Variants in AATK observed in about 807,000 individuals in gnomAD.
AATK encodes serine/threonine-protein kinase LMTK1.
Under a neutral mutation model 114.3 loss-of-function variants are expected in AATK, and 91 were observed. The observed-to-expected ratio is 0.80, with a 90% CI of 0.67 to 0.95. AATK has a LOEUF of 0.95. Among genes scored for constraint, AATK ranks in the 40% least tolerant of loss-of-function variants. The pLI, the probability that AATK is intolerant of heterozygous loss-of-function variation, is 0.00. For missense variants in AATK, 2,176 were observed against 1,965.2 expected (o/e 1.11, Z -2.03); for synonymous variants, 1,075 against 916.5 (o/e 1.17, Z -3.12).
intron 1 of AATK, among the ~76,000 whole-genome samples, chr17:81,145,957 G>A (rs1186690026): frequency 2.6e-5 from 4 of 152,022 alleles, no homozygotes; most frequent in Admixed American, 2.6e-4. Flanking sequence ...GGAGGCCGAG[G>A]CAGGCGGATC....
chr17:81,131,753 C>T, intron 2 of AATK: 3 of 1,189,302 alleles, frequency 2.5e-6, no homozygotes, highest in Non-Finnish European at 3.3e-6. Context: ...TCCCATGGCG[C>T]AGCTTCGGGG....
At chr17:81,130,915 G>A (rs1486025498) in intron 3 of AATK, 146 bp downstream of exon 3, 23 of 1,021,812 alleles carry the variant, frequency 2.3e-5, no homozygotes, top group African/African-American at 3.3e-5. Context: ...GTCCAGGGCT[G>A]CACACTGCGT....
chr17:81,119,195 C>T (rs146430850), intron 13 of AATK, among the ~76,000 whole-genome samples, 185 bp downstream of exon 13: 10 of 128,846 alleles, frequency 7.8e-5, no homozygotes, highest in South Asian at 5.5e-4. Flanking sequence ...CAGGTGAGGG[C>T]CAGGCGAGGG....
At chr17:81,119,150 GT>G (rs1200699874) in intron 13 of AATK, among the ~76,000 whole-genome samples, 823 of 17,252 alleles carry the variant, frequency 0.048, 1 homozygote, top group Non-Finnish European at 0.083. Context: ...CCAGGTGAGG[GT>G]CAGGTGAGGG....
At chr17:81,128,193 T>C (rs1162804756) in intron 4 of AATK, among the ~76,000 whole-genome samples, 2 of 152,140 alleles carry the variant, frequency 1.3e-5, no homozygotes, top group East Asian at 3.9e-4. Flanking sequence ...GGGACCCAGG[T>C]GTCTCGTTTA....
chr17:81,147,779 A>C (rs550581045), intron 1 of AATK, among the ~76,000 whole-genome samples: 1 of 152,288 alleles, frequency 6.6e-6, no homozygotes, highest in South Asian at 2.1e-4. Flanking sequence ...GTTTTAAACA[A>C]ACGGGAAGAT....
rs775724959 is a variant in AATK, at chr17:81,121,231, G to C, written c.2705C>G (p.Ser902Cys). 3.1e-6 allele frequency: 5 copies of C among 1,606,736 alleles called. No individual in the cohort carries two copies. Among genetic ancestry groups the C allele is most frequent in the Non-Finnish European group, 4.2e-6 (5 of 1,177,234 alleles). The change falls in exon 11 of 14, where the codon TCC (serine) becomes TGC (cysteine). Residue 902 changes from serine to cysteine, a missense_variant. Transcript: ENST00000326724. ...SLQKQVGTPD[S>C]LDSLDIPSSA... ...GGACGGGATGTCCAGGGAGTCCAGG[G>C]AGTCGGGGGTCCCCACCTGCTTCTG...
At chr17:81,156,178 CTGTTACAATGTATGTTATCA>C (rs1567827804) in intron 1 of AATK, among the ~76,000 whole-genome samples, 2 of 7,740 alleles carry the variant, frequency 2.6e-4, no homozygotes, top group African/African-American at 7.0e-4. Context: ...ATGTATGTTA[CTGTTACAATGTATGTTATCA>C]TGTTACAATG....
rs1259601999 is a variant in AATK at position 81,122,677 on chromosome 17, C to T, written c.1259G>A (p.Gly420Asp). ...GGGCCCGGGCCCCACGCCGCCCCCG[C>T]CGGGCCGCAGAGAGCGCCAGCGCCG... ...FERRWRSLRP[G>D]GGGVGPGPGA... Residue 420 changes from glycine (G) to aspartate (D), a missense_variant, in exon 11 of 14, where the codon GGC (glycine) becomes GAC (aspartate). Around this residue, in one of 4 missense-constraint regions of AATK, gnomAD observed 1,701 missense variants for 1,394.7 expected, o/e 1.22. Transcript: ENST00000326724. 7 of 1,524,230 alleles carry T rather than the reference C, an allele frequency of 4.6e-6. No homozygotes were observed. Among genetic ancestry groups the T allele is most frequent in the Middle Eastern group, 1.7e-4 (1 of 5,842 alleles). The allele number at this position is 1,524,230 out of a possible 1,614,324, so 94.4% of individuals were successfully genotyped here. A position where few individuals can be genotyped will look rare whatever the true frequency, so the allele number is the denominator to read the frequency against.
At chr17:81,123,433 C>T (rs2060728028) in intron 9 of AATK, 90 bp from the exon 10 acceptor site, 2 of 1,191,166 alleles carry the variant, frequency 1.7e-6, no homozygotes, top group Non-Finnish European at 1.1e-6. Context: ...TGGGGCAGCT[C>T]CCGCCATCAC....
At chr17:81,123,123 C>T (rs2060723134) in intron 10 of AATK, 71 bp downstream of exon 10, 5 of 1,365,362 alleles carry the variant, frequency 3.7e-6, no homozygotes, top group East Asian at 3.0e-5. Context: ...TCAGGGTGAG[C>T]CGCCTCTGCC....
chr17:81,128,984 C>T (rs998744012), intron 3 of AATK: 3 of 981,212 alleles, frequency 3.1e-6, no homozygotes, highest in South Asian at 2.8e-5. Context: ...GCACCAAAGG[C>T]TCCTTTGTTG....
chr17:81,131,187 C>G lies in AATK; in HGVS notation c.208G>C (p.Gly70Arg). 1.3e-6 allele frequency: 2 copies of G among 1,581,000 alleles called. No homozygotes were observed. The highest frequency in any genetic ancestry group is 2.3e-5 in the South Asian group (2 of 86,870). Residue 70 changes from glycine to arginine, a missense_variant, in exon 3 of 14, where the codon GGG becomes CGG. Coordinates refer to ENST00000326724, the MANE Select transcript of AATK (RefSeq NM_001080395.3). ...GCCAGGTCGGCTGCGTACTCGTCCCCCTCCGCATTCTCAAACTCCTGCGGG... is the reference window on the plus strand; with the variant it reads ...GCCAGGTCGGCTGCGTACTCGTCCCGCTCCGCATTCTCAAACTCCTGCGGG... The part of the protein sequence containing the change: ...IGFKEFENAE[G>R]DEYAADLAQG...
intron 12 of AATK, 108 bp downstream of exon 12, chr17:81,119,828 G>A: frequency 7.4e-7 from 1 of 1,359,144 alleles, no homozygotes; most frequent in South Asian, 1.6e-5. Flanking sequence ...ACGCGTCAAG[G>A]ACCAGGTGCT....
intron 1 of AATK, among the ~76,000 whole-genome samples, chr17:81,148,064 C>CAAAAAAAAAAAAAAAAA (rs35731140): frequency 3.9e-5 from 4 of 101,830 alleles, no homozygotes; most frequent in African/African-American, 7.9e-5. Context: ...ACAACTTTGT[C>CAAAAAAAAAAAAAAAAA]AAAAAAAAAA....
intron 2 of AATK, among the ~76,000 whole-genome samples, chr17:81,131,420 C>T (rs543812033): frequency 1.3e-5 from 2 of 152,304 alleles, no homozygotes; most frequent in East Asian, 1.9e-4. Flanking sequence ...CCCCCACGCC[C>T]CCGACCAGAG....
rs948328997 is a variant in AATK at position 81,120,787 on chromosome 17, G to A, written c.3149C>T (p.Ser1050Phe). The A allele has an allele frequency of 6.4e-7, 1 of 1,567,694 alleles. No individual in the cohort carries two copies. The highest frequency in any genetic ancestry group is 8.6e-7 in the Non-Finnish European group (1 of 1,156,998). The change falls in exon 11 of 14, where the codon TCT becomes TTT. Residue 1050 changes from serine (S) to phenylalanine (F), a missense_variant. By Grantham distance (155) the Ser-to-Phe change is radical. Around this residue, in one of 4 missense-constraint regions of AATK, gnomAD observed 1,701 missense variants for 1,394.7 expected, o/e 1.22. Transcript: ENST00000326724. ...TGGGGGCAGCACCTCCCCGGGGCCA[G>A]AGCCTTGTGCCTCCCCGGAAACCCC... ...RPGVSGEAQG[S>F]GPGEVLPPLL...
intron 1 of AATK, among the ~76,000 whole-genome samples, chr17:81,138,005 CG>C (rs1204931506): frequency 6.6e-6 from 1 of 151,232 alleles, no homozygotes; most frequent in African/African-American, 2.4e-5. Context: ...CCCCCACACA[CG>C]TACACGCACC....
rs111610468 is a variant in AATK at position 81,118,055 on chromosome 17, CCAGG to C, written c.*343_*346del. 2.4e-4 allele frequency: 63 copies of C among 258,172 alleles called. 2 individuals carry two copies. The Middle Eastern group carries it at 4.5e-3, about 18-fold the overall frequency. 16.0% of individuals were successfully genotyped at this position (258,172 alleles called of 1,614,324 possible). A position where few individuals can be genotyped will look rare whatever the true frequency, so the allele number is the denominator to read the frequency against. On this transcript the variant is annotated 3_prime_UTR_variant, in exon 14 of 14. Transcript: ENST00000326724. ...GATGGGGCATGCGGGTCCTCCGAGG[CCAGG>C]CAGGCAGGGCAGAGGGTGGGGGCCG... is the stretch of plus-strand genomic sequence containing the variant.
Sources: gnomAD v4.1 joint callset for allele counts (sites outside exome capture counted in the v4.1 genomes callset) on GRCh38, gnomAD v4.1.1 for gene constraint, gnomAD v4.1.1 regional missense constraint, MANE v1.5 for transcripts, NCBI Gene and HGNC (gene_info 2026-07-23, HGNC 2026-07-21) for gene names.